The following DCLK1 variants were observed in gnomAD, a reference collection of about 807,000 sequenced individuals.
The protein encoded by DCLK1 is serine/threonine-protein kinase DCLK1.
In DCLK1, 16 loss-of-function variants were observed where a neutral mutation model predicts 86.2. The ratio of observed to expected loss-of-function variants is 0.19; its 90% CI spans 0.13 to 0.28. The LOEUF is 0.28. Ranked by LOEUF, DCLK1 falls within the 10% of genes least tolerant of loss-of-function variation. The pLI, the probability that DCLK1 is intolerant of heterozygous loss-of-function variation, is 1.00. For synonymous variants in DCLK1, 369 were observed against 370.5 expected, an observed-to-expected ratio of 1.00 and a Z score of 0.05; for missense variants, 590 against 940.2, an observed-to-expected ratio of 0.63 and a Z score of 4.87.
chr13:35,793,054 A>C (rs1024337475), intron 16 of DCLK1, among the ~76,000 whole-genome samples: 1 of 152,090 alleles, frequency 6.6e-6, no homozygotes, highest in Non-Finnish European at 1.5e-5. Context: ...TTTTTCTTAG[A>C]GCCAAGAAGT....
intron 3 of DCLK1, among the ~76,000 whole-genome samples, chr13:36,103,490 A>G (rs972127040): frequency 6.6e-6 from 1 of 151,922 alleles, no homozygotes; most frequent in Admixed American, 6.6e-5. Context: ...GGGTAATTTT[A>G]ACTTATCTTA....
At chr13:36,095,522 G>A (rs1884982382) in intron 3 of DCLK1, among the ~76,000 whole-genome samples, 1 of 151,768 alleles carries the variant, frequency 6.6e-6, no homozygotes, top group East Asian at 1.9e-4. Flanking sequence ...TATCTTTCTG[G>A]GCTCAAACTC....
chr13:36,118,851 T>G (rs568339373), intron 2 of DCLK1, among the ~76,000 whole-genome samples: 107 of 152,290 alleles, frequency 7.0e-4, no homozygotes, highest in African/African-American at 2.5e-3. Flanking sequence ...GATTTAGTGT[T>G]TGGTGAGGGC....
intron 8 of DCLK1, among the ~76,000 whole-genome samples, chr13:35,830,039 T>G (rs891549610): frequency 1.3e-5 from 2 of 152,068 alleles, no homozygotes; most frequent in Non-Finnish European, 2.9e-5. Context: ...AGCAAGACTG[T>G]GGGGTAGAGG....
chr13:35,891,449 G>A lies in DCLK1; in HGVS notation c.824-20109C>T, dbSNP rs758231011. On this transcript the variant is annotated intron_variant, in intron 4 of 16. Coordinates refer to ENST00000360631, the MANE Select transcript of DCLK1 (RefSeq NM_001330071.2). ...AAGTCTAGGTTTATAAATATAGGAT[G>A]TTTCTTTTTCTCTTTGGATAAAAAT... 2.0e-5 allele frequency among the ~76,000 whole-genome samples: 3 copies of A among 152,116 alleles called. No homozygotes were observed. The East Asian group carries it at 5.8e-4, about 29-fold the overall frequency.
intron 3 of DCLK1, among the ~76,000 whole-genome samples, chr13:35,985,814 C>T (rs1361824): frequency 0.74 from 112,409 of 152,104 alleles, 41,777 homozygotes; most frequent in Admixed American, 0.79. Context: ...CATGAAGGAT[C>T]TATTCTAAGA....
intron 16 of DCLK1, among the ~76,000 whole-genome samples, chr13:35,781,331 C>T (rs952384824): frequency 6.6e-5 from 10 of 152,160 alleles, no homozygotes; most frequent in Non-Finnish European, 1.3e-4. Context: ...CACATCGAGC[C>T]CCAATTTCCA....
intron 1 of DCLK1, among the ~76,000 whole-genome samples, chr13:36,127,973 G>C (rs1210280512): frequency 6.6e-6 from 1 of 152,112 alleles, no homozygotes; most frequent in Non-Finnish European, 1.5e-5. Flanking sequence ...TGGAAAATTT[G>C]GAGCAAGAAC....
At chr13:35,787,568 T>C (rs1024541910) in intron 16 of DCLK1, among the ~76,000 whole-genome samples, 1 of 152,130 alleles carries the variant, frequency 6.6e-6, no homozygotes, top group African/African-American at 2.4e-5. Flanking sequence ...GCCAGCTAAA[T>C]AATCTGACAG....
chr13:35,832,657 T>C (rs1316598414), intron 8 of DCLK1, among the ~76,000 whole-genome samples: 1 of 152,136 alleles, frequency 6.6e-6, no homozygotes, highest in Non-Finnish European at 1.5e-5. Flanking sequence ...AAAAAGGAGT[T>C]AGTAACACAC....
chr13:36,092,341 T>C (rs972489422), intron 3 of DCLK1, among the ~76,000 whole-genome samples: 2 of 152,170 alleles, frequency 1.3e-5, no homozygotes, highest in African/African-American at 2.4e-5. Flanking sequence ...ATCATGCATA[T>C]GAAGTGCTTA....
chr13:35,909,120 A>C (rs1566597414), intron 4 of DCLK1, among the ~76,000 whole-genome samples: 1 of 152,244 alleles, frequency 6.6e-6, no homozygotes, highest in Non-Finnish European at 1.5e-5. Flanking sequence ...TGTCAGCACC[A>C]CACAACATGT....
At chr13:35,783,753 T>G (rs1355550308) in intron 16 of DCLK1, among the ~76,000 whole-genome samples, 2 of 151,942 alleles carry the variant, frequency 1.3e-5, no homozygotes, top group Non-Finnish European at 2.9e-5. Flanking sequence ...CCCAGCTAAT[T>G]TTTTGTATTT....
intron 11 of DCLK1, among the ~76,000 whole-genome samples, chr13:35,820,401 CA>C (rs1037200632): frequency 3.2e-4 from 48 of 152,134 alleles, no homozygotes; most frequent in African/African-American, 1.1e-3. Flanking sequence ...AAGGAGAGAA[CA>C]TTTTTTTTCT....
At chr13:35,869,034 ACCC>A in intron 5 of DCLK1, 1 of 468,186 alleles carries the variant, frequency 2.1e-6, no homozygotes, top group South Asian at 1.5e-5. Context: ...CAAGTGATCC[ACCC>A]CCATCAACCT....
chr13:35,798,987 G>A (rs895092639), intron 15 of DCLK1, among the ~76,000 whole-genome samples: 1 of 152,116 alleles, frequency 6.6e-6, no homozygotes, highest in African/African-American at 2.4e-5. Flanking sequence ...GGATATAGGA[G>A]GTAAACTAAA....
intron 2 of DCLK1, among the ~76,000 whole-genome samples, chr13:36,122,505 T>C (rs2138212752): frequency 6.6e-6 from 1 of 152,324 alleles, no homozygotes; most frequent in African/African-American, 2.4e-5. Flanking sequence ...AGTCAATCCA[T>C]CAATGCTCCA....
chr13:36,030,463 ATTTTTTT>A (rs139224506), intron 3 of DCLK1, among the ~76,000 whole-genome samples: 3 of 120,060 alleles, frequency 2.5e-5, no homozygotes, highest in African/African-American at 9.6e-5. Context: ...CACCTGGCTA[ATTTTTTT>A]TTTTTTTTTT....
At chr13:36,003,700 AG>A (rs1215279549) in intron 3 of DCLK1, among the ~76,000 whole-genome samples, 2 of 152,240 alleles carry the variant, frequency 1.3e-5, no homozygotes, top group Non-Finnish European at 2.9e-5. Context: ...TATATGGATA[AG>A]TCAAAGGTTA....
Sources: allele counts gnomAD v4.1 joint callset (sites outside exome capture counted in the v4.1 genomes callset), GRCh38; gene constraint gnomAD v4.1.1; transcripts MANE v1.5; gene names NCBI Gene and HGNC (gene_info 2026-07-23, HGNC 2026-07-21).